KIF26B: variants seen among roughly 807,000 people sequenced by gnomAD.
The protein encoded by KIF26B is kinesin family member 26B.
A neutral mutation model predicts 151.2 loss-of-function variants in KIF26B; 63 were observed. The observed-to-expected ratio is 0.42, with a 90% CI of 0.34 to 0.51. The LOEUF (loss-of-function observed/expected upper bound fraction) is 0.51, where lower values mean the gene tolerates loss of function less well. Among genes scored for constraint, KIF26B ranks in the 20% least tolerant of loss-of-function variants. The pLI, the probability that KIF26B is intolerant of heterozygous loss-of-function variation, is 0.07. For missense variants in KIF26B, 2,813 were observed against 2,913.6 expected (o/e 0.97, Z 0.79); for synonymous variants, 1,357 against 1,262.1 (o/e 1.08, Z -1.59).
At position 245,702,755 on chromosome 1, in the gene KIF26B, G is replaced by A. The variant is rs914507551; in HGVS notation, c.*149G>A. On this transcript the variant is annotated 3_prime_UTR_variant, in exon 15 of 15. Transcript: ENST00000407071. This position sits in a 1 kb window ranked among gnomAD's most constrained non-coding sequence, Gnocchi z 4.1. Reference sequence around the variant, plus strand: ...CTGGAGCGGGCGTTGAGCGGAAGGCGAGTTTTCTTTTGTTTTCTGTAGGAA... The same window carrying A: ...CTGGAGCGGGCGTTGAGCGGAAGGCAAGTTTTCTTTTGTTTTCTGTAGGAA... The A allele has an allele frequency of 7.0e-6, 6 of 862,468 alleles. No homozygotes were observed. Among genetic ancestry groups the A allele is most frequent in the African/African-American group, 1.7e-5 (1 of 59,638 alleles). 53.4% of individuals were successfully genotyped at this position (862,468 alleles called of 1,614,324 possible). A position where few individuals can be genotyped will look rare whatever the true frequency, so the allele number is the denominator to read the frequency against.
intron 2 of KIF26B, among the ~76,000 whole-genome samples, chr1:245,211,981 G>A (rs1669544559): frequency 6.6e-6 from 1 of 152,178 alleles, no homozygotes; most frequent in South Asian, 2.1e-4. Flanking sequence ...TGAAAAGCCT[G>A]GGGCTGGTGG....
intron 10 of KIF26B, chr1:245,676,254 AAGAATG>A (rs1483039706): frequency 7.2e-5 from 11 of 152,246 alleles, no homozygotes; most frequent in African/African-American, 2.7e-4. Flanking sequence ...AGCAGAACTT[AAGAATG>A]AGAATATCTG....
chr1:245,505,899 C>T (rs955021834), intron 4 of KIF26B, among the ~76,000 whole-genome samples: 1 of 151,992 alleles, frequency 6.6e-6, no homozygotes, highest in African/African-American at 2.4e-5. Context: ...CATTTTAATC[C>T]TGGTGTCTTT....
intron 7 of KIF26B, among the ~76,000 whole-genome samples, chr1:245,608,399 C>A (rs115744749): frequency 6.6e-6 from 1 of 152,210 alleles, no homozygotes; most frequent in South Asian, 2.1e-4. Flanking sequence ...CCAACAGAGG[C>A]CTTGCTGGAG....
intron 10 of KIF26B, among the ~76,000 whole-genome samples, chr1:245,653,938 C>T (rs1292291460): frequency 1.3e-5 from 2 of 152,136 alleles, no homozygotes; most frequent in East Asian, 1.9e-4. Flanking sequence ...TGGCTCATAC[C>T]TGTAGTCCAA....
At chr1:245,429,212 A>C (rs1306169349) in intron 4 of KIF26B, among the ~76,000 whole-genome samples, 1 of 152,256 alleles carries the variant, frequency 6.6e-6, no homozygotes, top group East Asian at 1.9e-4. Flanking sequence ...AACTTCATCC[A>C]AATCCTACAG....
chr1:245,160,828 C>T (rs1253091667), intron 2 of KIF26B, among the ~76,000 whole-genome samples: 6 of 152,048 alleles, frequency 3.9e-5, no homozygotes, highest in Non-Finnish European at 8.8e-5. Flanking sequence ...AAACGCCAAA[C>T]GTGGACTCTA....
Position 245,540,518 on chromosome 1 carries a change from T to C in KIF26B, c.1167-249T>C, listed in dbSNP as rs1367404222. The C allele has an allele frequency of 2.9e-6, 2 of 682,610 alleles. No individual in the cohort carries two copies. Among genetic ancestry groups the C allele is most frequent in the African/African-American group, 3.5e-5 (2 of 56,908 alleles). The allele number at this position is 682,610 out of a possible 1,614,324, so 42.3% of individuals were successfully genotyped here. A position where few individuals can be genotyped will look rare whatever the true frequency, so the allele number is the denominator to read the frequency against. On this transcript the variant is annotated intron_variant, in intron 4 of 14. Transcript: ENST00000407071. The surrounding 1 kb of genome is among the most constrained non-coding windows in gnomAD (Gnocchi z 4.6). The stretch of plus-strand genomic sequence containing the variant: ...TGTTGGTGGATAACACATCATTCTT[T>C]GTAAATCGTGATTGCAGAATCCTGC...
chr1:245,693,831 T>C (rs922276521), intron 12 of KIF26B, among the ~76,000 whole-genome samples: 1 of 152,234 alleles, frequency 6.6e-6, no homozygotes, highest in East Asian at 1.9e-4. Context: ...ACTGGCTTAA[T>C]GAAAACCAGA....
intron 4 of KIF26B, among the ~76,000 whole-genome samples, chr1:245,539,998 G>A (rs543819297): frequency 1.4e-4 from 21 of 152,250 alleles, no homozygotes; most frequent in Non-Finnish European, 1.8e-4. Context: ...AATGATGGAC[G>A]ATGTCATTGG....
intron 14 of KIF26B, among the ~76,000 whole-genome samples, chr1:245,700,303 G>A (rs896291990): frequency 2.0e-5 from 3 of 152,160 alleles, no homozygotes; most frequent in Non-Finnish European, 4.4e-5. Context: ...ATCAGTTCCC[G>A]TTGGTCCTCT....
intron 2 of KIF26B, among the ~76,000 whole-genome samples, chr1:245,345,796 C>T (rs1285579687): frequency 6.6e-6 from 1 of 152,096 alleles, no homozygotes; most frequent in Non-Finnish European, 1.5e-5. Context: ...TGCCTTCTGC[C>T]GCGATTGGAA....
At chr1:245,463,814 T>C (rs1283327986) in intron 4 of KIF26B, among the ~76,000 whole-genome samples, 1 of 152,236 alleles carries the variant, frequency 6.6e-6, no homozygotes, top group Non-Finnish European at 1.5e-5. Flanking sequence ...TGTTGGTGGG[T>C]GAATGTAGGA....
intron 5 of KIF26B, among the ~76,000 whole-genome samples, chr1:245,571,172 G>C (rs1275972974): frequency 6.6e-6 from 1 of 152,220 alleles, no homozygotes; most frequent in Non-Finnish European, 1.5e-5. Context: ...CACCTAGTAA[G>C]TACCCCTTGT....
chr1:245,204,303 C>T (rs1409744409), intron 2 of KIF26B, among the ~76,000 whole-genome samples: 2 of 152,106 alleles, frequency 1.3e-5, no homozygotes, highest in Admixed American at 6.5e-5. Context: ...AGTATCAACA[C>T]TATTTGGAGC....
At chr1:245,253,652 G>A (rs1175086589) in intron 2 of KIF26B, among the ~76,000 whole-genome samples, 1 of 151,854 alleles carries the variant, frequency 6.6e-6, no homozygotes, top group Non-Finnish European at 1.5e-5. Flanking sequence ...ATTTGGACAT[G>A]GGGATTATTC....
chr1:245,210,186 C>G (rs747562432), intron 2 of KIF26B, among the ~76,000 whole-genome samples: 5 of 152,336 alleles, frequency 3.3e-5, no homozygotes, highest in South Asian at 2.1e-4. Flanking sequence ...CAGCCCACCC[C>G]CAAGGCCCCG....
chr1:245,436,465 G>A (rs561802012), intron 4 of KIF26B, among the ~76,000 whole-genome samples: 1 of 152,136 alleles, frequency 6.6e-6, no homozygotes, highest in Non-Finnish European at 1.5e-5. Flanking sequence ...CCCCACTGTG[G>A]TGTGCAAAGC....
intron 10 of KIF26B, among the ~76,000 whole-genome samples, chr1:245,662,674 G>T (rs2044166611): frequency 1.0e-5 from 1 of 98,918 alleles, no homozygotes; most frequent in Non-Finnish European, 2.1e-5. Flanking sequence ...TATACCCAAT[G>T]ATACATATAT....
Sources: allele counts gnomAD v4.1 joint callset (sites outside exome capture counted in the v4.1 genomes callset), GRCh38; gene constraint gnomAD v4.1.1; non-coding constraint Gnocchi (gnomAD v3.1); transcripts MANE v1.5; gene names NCBI Gene and HGNC (gene_info 2026-07-23, HGNC 2026-07-21).